The following TRMT11 variants were observed in gnomAD, a reference collection of about 807,000 sequenced individuals.
TRMT11 encodes the protein tRNA (guanine(10)-N(2))-methyltransferase TRMT11.
In TRMT11, 53 loss-of-function variants were observed where a neutral mutation model predicts 62.8. The ratio of observed to expected loss-of-function variants is 0.84; its 90% CI spans 0.68 to 1.06. TRMT11 has a LOEUF of 1.06. Among genes scored for constraint, TRMT11 ranks in the 50% least tolerant of loss-of-function variants. The pLI is 0.00. For missense variants in TRMT11, 556 were observed against 553.4 expected (o/e 1.00, Z -0.05); for synonymous variants, 188 against 190.3 (o/e 0.99, Z 0.10).
At chr6:126,000,716 A>G (rs1583659590) in intron 7 of TRMT11, among the ~76,000 whole-genome samples, 1 of 152,126 alleles carries the variant, frequency 6.6e-6, no homozygotes, top group South Asian at 2.1e-4. Context: ...ATCAAGGTCA[A>G]TAAATTTCTA....
At chr6:126,093,805 A>C (rs1207081926) in intron 17 of TRMT11, among the ~76,000 whole-genome samples, 2 of 151,448 alleles carry the variant, frequency 1.3e-5, no homozygotes, top group Non-Finnish European at 2.9e-5. Flanking sequence ...ACACTCTAAA[A>C]CTAGTAAGTT....
rs114876335 is a variant in TRMT11, at chr6:126,140,558, C to T, written c.*1823+24703C>T. 2.5e-3 allele frequency among the ~76,000 whole-genome samples: 384 copies of T among 151,978 alleles called. 4 individuals are homozygous for T. Among genetic ancestry groups the T allele is most frequent in the African/African-American group, 8.4e-3 (349 of 41,510 alleles). On this transcript the variant is annotated intron_variant and NMD_transcript_variant, in intron 21 of 22. Transcript: ENST00000648977. ...AATGTATTCAGTGGTTACTGATGTGCGTGTTTTAAAAATTCTTTGAGCTGA... is the reference window on the plus strand; with the variant it reads ...AATGTATTCAGTGGTTACTGATGTGTGTGTTTTAAAAATTCTTTGAGCTGA...
chr6:126,162,253 G>A (rs557791848), intron 21 of TRMT11, among the ~76,000 whole-genome samples: 72 of 152,112 alleles, frequency 4.7e-4, no homozygotes, highest in Non-Finnish European at 8.2e-4. Context: ...TGTAAGTAAA[G>A]GGTCCAGTTT....
chr6:126,034,137 A>AG (rs977291966), intron 12 of TRMT11, among the ~76,000 whole-genome samples: 9 of 152,194 alleles, frequency 5.9e-5, no homozygotes, highest in Admixed American at 5.9e-4. Flanking sequence ...TAAAAAAAAA[A>AG]GAGAATCACA....
At chr6:126,267,855 G>T in the TRMT11 span, among the ~76,000 whole-genome samples, 1 of 152,018 alleles carries the variant, frequency 6.6e-6, no homozygotes, top group Non-Finnish European at 1.5e-5. Flanking sequence ...GGTGATTAAG[G>T]GTTTCCTGAC....
At chr6:126,017,515 G>C (rs1795158978) in intron 11 of TRMT11, among the ~76,000 whole-genome samples, 1 of 152,106 alleles carries the variant, frequency 6.6e-6, no homozygotes, top group Non-Finnish European at 1.5e-5. Context: ...CAGTATATCA[G>C]ACTTTTTGCC....
intron 17 of TRMT11, among the ~76,000 whole-genome samples, chr6:126,058,341 T>G (rs1186704956): frequency 6.6e-6 from 1 of 152,236 alleles, no homozygotes; most frequent in Non-Finnish European, 1.5e-5. Context: ...ATATTTTCTT[T>G]ATCCAGTCTA....
the TRMT11 span, among the ~76,000 whole-genome samples, chr6:126,248,382 A>G: frequency 5.3e-5 from 8 of 152,146 alleles, no homozygotes; most frequent in African/African-American, 1.7e-4. Context: ...ACTTTCTCTC[A>G]AATTGTTCAG....
intron 17 of TRMT11, among the ~76,000 whole-genome samples, chr6:126,107,658 T>G (rs1777479381): frequency 6.6e-6 from 1 of 152,192 alleles, no homozygotes. Context: ...CAAGGAATCC[T>G]GTGTGACAAT....
At chr6:126,260,458 T>G in the TRMT11 span, among the ~76,000 whole-genome samples, 24 of 152,318 alleles carry the variant, frequency 1.6e-4, no homozygotes, top group African/African-American at 4.6e-4. Flanking sequence ...TTGAGAGATT[T>G]ATATAGCACC....
chr6:125,989,124 CTTTTTTTTT>C (rs971479523), intron 1 of TRMT11, among the ~76,000 whole-genome samples: 3 of 94,426 alleles, frequency 3.2e-5, no homozygotes, highest in Non-Finnish European at 4.2e-5. Context: ...AGTTTGGATT[CTTTTTTTTT>C]TTTTTTTTTT....
chr6:125,996,434 G>A (rs1791523351), intron 3 of TRMT11, among the ~76,000 whole-genome samples: 1 of 152,302 alleles, frequency 6.6e-6, no homozygotes, highest in South Asian at 2.1e-4. Context: ...GTAACAAAAA[G>A]TGAGGACTGC....
chr6:126,023,493 C>T (rs775718282), intron 12 of TRMT11, among the ~76,000 whole-genome samples: 1 of 152,032 alleles, frequency 6.6e-6, no homozygotes, highest in Admixed American at 6.6e-5. Context: ...ACTAAAAATA[C>T]AAAAATTACC....
At chr6:126,082,437 C>G (rs1333007106) in intron 17 of TRMT11, among the ~76,000 whole-genome samples, 1 of 151,798 alleles carries the variant, frequency 6.6e-6, no homozygotes, top group Admixed American at 6.6e-5. Context: ...AGCAATGGAC[C>G]ATTCACTTTG....
chr6:126,137,275 A>G (rs1183550193), intron 21 of TRMT11, among the ~76,000 whole-genome samples: 3 of 151,894 alleles, frequency 2.0e-5, no homozygotes, highest in Non-Finnish European at 4.4e-5. Context: ...TAAAGAACTC[A>G]AACAACTTAT....
chr6:126,255,223 CA>C, the TRMT11 span, among the ~76,000 whole-genome samples: 4 of 152,138 alleles, frequency 2.6e-5, no homozygotes, highest in African/African-American at 7.2e-5. Flanking sequence ...TTTCTTTCAT[CA>C]ATAATATCTA....
At chr6:126,215,324 C>G in the TRMT11 span, among the ~76,000 whole-genome samples, 2 of 151,966 alleles carry the variant, frequency 1.3e-5, no homozygotes, top group Non-Finnish European at 2.9e-5. Context: ...GGGTATATCT[C>G]TCTTTATCTC....
intron 17 of TRMT11, among the ~76,000 whole-genome samples, chr6:126,105,976 A>G (rs932434635): frequency 6.6e-6 from 1 of 152,138 alleles, no homozygotes; most frequent in Admixed American, 6.5e-5. Context: ...ACAAATCCAA[A>G]TGCCTGGAAT....
At chr6:126,159,749 A>C (rs897162620) in intron 21 of TRMT11, among the ~76,000 whole-genome samples, 1 of 152,112 alleles carries the variant, frequency 6.6e-6, no homozygotes, top group Non-Finnish European at 1.5e-5. Context: ...CTAGAGGAGA[A>C]TCCTTCCCTG....
Sources: gnomAD v4.1 joint callset for allele counts (sites outside exome capture counted in the v4.1 genomes callset) on GRCh38, gnomAD v4.1.1 for gene constraint, MANE v1.5 for transcripts, NCBI Gene and HGNC (gene_info 2026-07-23, HGNC 2026-07-21) for gene names.